Variants in ERICH1 observed in about 807,000 individuals in gnomAD.
The protein encoded by ERICH1 is glutamate-rich protein 1.
A neutral mutation model predicts 39.6 loss-of-function variants in ERICH1; 56 were observed. The ratio of observed to expected loss-of-function variants is 1.41; its 90% CI spans 1.14 to 1.77. ERICH1 has a LOEUF of 1.77. Among genes scored for constraint, ERICH1 ranks in the 40% most tolerant of loss-of-function variants. The pLI is 0.00. For synonymous variants in ERICH1, 313 were observed against 223.6 expected (o/e 1.40, Z -3.57); for missense variants, 826 against 575.4 (o/e 1.44, Z -4.45).
In ERICH1 at chr8:692,750, T is replaced by A. The variant is rs1809210303; in HGVS notation, c.170-138A>T. 8.8e-6 allele frequency: 9 copies of A among 1,025,132 alleles called. No individual in the cohort carries two copies. The South Asian group carries it at 1.3e-4, about 15-fold the overall frequency. The allele number at this position is 1,025,132 out of a possible 1,614,324, so 63.5% of individuals were successfully genotyped here. ...AAAGAGCTCAATAAAACCTAACCAC[T>A]GTCATAAATACTGATTTTAATATGT... is the stretch of plus-strand genomic sequence containing the variant. On this transcript the variant is annotated intron_variant, in intron 2 of 5. Transcript: ENST00000262109.
At chr8:639,866 G>A (rs1024784834) in intron 3 of ERICH1, among the ~76,000 whole-genome samples, 4 of 151,926 alleles carry the variant, frequency 2.6e-5, no homozygotes, top group African/African-American at 7.3e-5. Flanking sequence ...AGAGGCAGCC[G>A]GTTTTTCAGA....
chr8:717,749 G>C (rs115473729), intron 1 of ERICH1, among the ~76,000 whole-genome samples: 1 of 152,216 alleles, frequency 6.6e-6, no homozygotes, highest in African/African-American at 2.4e-5. Flanking sequence ...GGCTGAAGTC[G>C]CCTCCCCAGG....
At chr8:635,092 C>G (rs534066828) in intron 3 of ERICH1, among the ~76,000 whole-genome samples, 7 of 147,358 alleles carry the variant, frequency 4.8e-5, no homozygotes, top group African/African-American at 1.7e-4. Flanking sequence ...GTTGCCGGAG[C>G]CACTCAGCTA....
chr8:697,876 G>C (rs1000518467), intron 2 of ERICH1, among the ~76,000 whole-genome samples: 1 of 152,226 alleles, frequency 6.6e-6, no homozygotes, highest in Admixed American at 6.5e-5. Context: ...CCCTGGGAGA[G>C]GCCATCCCTG....
chr8:726,766 C>A (rs1233536938), intron 1 of ERICH1, among the ~76,000 whole-genome samples: 3 of 151,990 alleles, frequency 2.0e-5, no homozygotes, highest in African/African-American at 2.4e-5. Context: ...CACACACAGA[C>A]ACATGTACAC....
intron 3 of ERICH1, among the ~76,000 whole-genome samples, chr8:636,514 C>T (rs902305979): frequency 6.6e-6 from 1 of 152,234 alleles, no homozygotes; most frequent in Non-Finnish European, 1.5e-5. Context: ...GGTTCTGCCC[C>T]ACGTGGGCCC....
At chr8:618,638 C>G (rs1181207652) in intron 3 of ERICH1, among the ~76,000 whole-genome samples, 1 of 152,222 alleles carries the variant, frequency 6.6e-6, no homozygotes, top group African/African-American at 2.4e-5. Context: ...ATGGGTGTGA[C>G]TGAAACCTCT....
chr8:651,491 G>C (rs993631919), intron 3 of ERICH1, among the ~76,000 whole-genome samples: 3 of 152,210 alleles, frequency 2.0e-5, no homozygotes, highest in Non-Finnish European at 4.4e-5. Flanking sequence ...AATGGGGCAG[G>C]TGGAGAAAAT....
At chr8:705,958 G>A (rs1478260495) in intron 2 of ERICH1, among the ~76,000 whole-genome samples, 1 of 152,102 alleles carries the variant, frequency 6.6e-6, no homozygotes, top group East Asian at 1.9e-4. Context: ...CATATAGGAC[G>A]GCGGACCCTG....
At chr8:679,048 G>C (rs917117993) in intron 3 of ERICH1, among the ~76,000 whole-genome samples, 1 of 142,242 alleles carries the variant, frequency 7.0e-6, no homozygotes, top group Admixed American at 7.1e-5. Flanking sequence ...CCATCCCTCA[G>C]CAGTGACCTC....
Position 619,816 on chromosome 8 carries a change from T to A in ERICH1, c.977-4532A>T, listed in dbSNP as rs1357850719. On this transcript the variant is annotated intron_variant, in intron 3 of 3. Coordinates refer to the ERICH1 transcript ENST00000522706. The stretch of plus-strand genomic sequence containing the variant: ...AACTCATTCCACAGGAGTATGTTTC[T>A]GTATTTCACTGGTATTAGGCTAGTA... 2.0e-5 allele frequency among the ~76,000 whole-genome samples: 3 copies of A among 152,344 alleles called. No homozygotes were observed. The East Asian group carries it at 5.8e-4, about 29-fold the overall frequency.
chr8:641,806 T>C (rs1449527575), intron 3 of ERICH1, among the ~76,000 whole-genome samples: 1 of 152,192 alleles, frequency 6.6e-6, no homozygotes, highest in Non-Finnish European at 1.5e-5. Flanking sequence ...CTTTGGTTCC[T>C]GCCCAGACCT....
intron 1 of ERICH1, among the ~76,000 whole-genome samples, chr8:727,055 GCACACACGTACACATACACATA>G (rs1296952947): frequency 1.3e-5 from 2 of 150,202 alleles, no homozygotes; most frequent in Non-Finnish European, 3.0e-5. Flanking sequence ...ACATACACAT[GCACACACGTACACATACACATA>G]CACACACGCA....
Position 664,538 on chromosome 8 carries a change from C to T in ERICH1, c.*65G>A. On this transcript the variant is annotated 3_prime_UTR_variant, in exon 6 of 6. Transcript: ENST00000262109. ...GTTCCCAGAGAACTAACTCTAAGCC[C>T]ATCTCACATTTGTCTTTTAAGTTTT... 1 of 1,560,434 alleles carries T rather than the reference C, an allele frequency of 6.4e-7. No individual in the cohort carries two copies.
chr8:703,441 C>T (rs959203287), intron 2 of ERICH1, among the ~76,000 whole-genome samples: 6 of 152,122 alleles, frequency 3.9e-5, no homozygotes, highest in Non-Finnish European at 7.3e-5. Context: ...CCAGAGGGGC[C>T]GCCAAGGAGC....
chr8:616,107 C>T (rs888517010), intron 3 of ERICH1: 1 of 167,014 alleles, frequency 6.0e-6, no homozygotes, highest in Non-Finnish European at 1.3e-5. Flanking sequence ...CCGTTAAAAA[C>T]ACCCTGTACT....
chr8:678,165 G>C (rs1233215812), intron 3 of ERICH1, among the ~76,000 whole-genome samples: 1 of 151,912 alleles, frequency 6.6e-6, no homozygotes, highest in African/African-American at 2.4e-5. Flanking sequence ...AAAAAAAAGA[G>C]ACTGGACATC....
At chr8:685,489 G>C (rs956498406) in intron 3 of ERICH1, among the ~76,000 whole-genome samples, 1 of 152,222 alleles carries the variant, frequency 6.6e-6, no homozygotes, top group East Asian at 1.9e-4. Flanking sequence ...GGGATTAAGA[G>C]ATTAAAGACA....
chr8:652,239 A>T (rs572813294), intron 3 of ERICH1, among the ~76,000 whole-genome samples: 1 of 152,376 alleles, frequency 6.6e-6, no homozygotes, highest in East Asian at 1.9e-4. Flanking sequence ...CAGGAAATGC[A>T]GCCAGCAGGA....
Sources: gnomAD v4.1 joint callset for allele counts (sites outside exome capture counted in the v4.1 genomes callset) on GRCh38, gnomAD v4.1.1 for gene constraint, MANE v1.5 for transcripts, NCBI Gene and HGNC (gene_info 2026-07-23, HGNC 2026-07-21) for gene names.